The following SPOCK1 variants were observed in gnomAD, a reference collection of about 807,000 sequenced individuals.
SPOCK1 encodes testican-1.
Under a neutral mutation model 55.3 loss-of-function variants are expected in SPOCK1, and 23 were observed. The observed-to-expected ratio is 0.42, with a 90% CI of 0.30 to 0.59. The LOEUF (loss-of-function observed/expected upper bound fraction) is 0.59, where lower values mean the gene tolerates loss of function less well. Ranked by LOEUF, SPOCK1 falls within the 20% of genes least tolerant of loss-of-function variation. SPOCK1 has a pLI of 0.22. For missense variants in SPOCK1, 499 were observed against 552.5 expected (o/e 0.90, Z 0.97); for synonymous variants, 226 against 221.0 (o/e 1.02, Z -0.20).
chr5:137,000,445 TG>T (rs1026506282), intron 6 of SPOCK1, among the ~76,000 whole-genome samples: 4 of 152,132 alleles, frequency 2.6e-5, no homozygotes, highest in African/African-American at 9.6e-5. Context: ...CTCAGGCTGC[TG>T]GAAGCCTTCA....
intron 6 of SPOCK1, among the ~76,000 whole-genome samples, chr5:137,015,694 A>G (rs1751436789): frequency 6.6e-6 from 1 of 152,190 alleles, no homozygotes; most frequent in Non-Finnish European, 1.5e-5. Context: ...ATAGACTGTA[A>G]TAGACTACAG....
intron 2 of SPOCK1, among the ~76,000 whole-genome samples, chr5:137,448,098 A>T (rs1472470398): frequency 6.6e-6 from 1 of 152,104 alleles, no homozygotes; most frequent in Non-Finnish European, 1.5e-5. Context: ...AAATACAAAA[A>T]TTAGCCGGGC....
At chr5:137,259,487 TG>T (rs1373318345) in intron 3 of SPOCK1, among the ~76,000 whole-genome samples, 2 of 151,802 alleles carry the variant, frequency 1.3e-5, no homozygotes. Flanking sequence ...TGGGGCCTGT[TG>T]GGGGATGGGG....
chr5:137,445,528 T>G (rs1231140010), intron 2 of SPOCK1, among the ~76,000 whole-genome samples: 1 of 152,192 alleles, frequency 6.6e-6, no homozygotes, highest in Non-Finnish European at 1.5e-5. Flanking sequence ...CTGAAGAGTA[T>G]CATACAAGTG....
chr5:137,259,545 G>A (rs909324161), intron 3 of SPOCK1, among the ~76,000 whole-genome samples: 7 of 152,156 alleles, frequency 4.6e-5, no homozygotes, highest in Middle Eastern at 6.8e-3. Context: ...TGTAGATGAC[G>A]GGTTGATGTT....
chr5:137,059,111 AT>A (rs1752349527), intron 6 of SPOCK1, among the ~76,000 whole-genome samples: 1 of 152,264 alleles, frequency 6.6e-6, no homozygotes, highest in African/African-American at 2.4e-5. Context: ...TTAGGAAGCT[AT>A]TATAATACAA....
chr5:137,411,949 AG>A (rs1006901621), intron 2 of SPOCK1, among the ~76,000 whole-genome samples: 1 of 152,192 alleles, frequency 6.6e-6, no homozygotes, highest in African/African-American at 2.4e-5. Flanking sequence ...AGTAAAGAAA[AG>A]GTCCGCGTGG....
intron 3 of SPOCK1, among the ~76,000 whole-genome samples, chr5:137,206,237 A>G (rs1755519069): frequency 6.6e-6 from 1 of 152,238 alleles, no homozygotes; most frequent in Non-Finnish European, 1.5e-5. Flanking sequence ...AGTTTAGGTT[A>G]AAGAAAAGGG....
chr5:137,366,823 A>C (rs2127168797), intron 2 of SPOCK1, among the ~76,000 whole-genome samples: 1 of 152,362 alleles, frequency 6.6e-6, no homozygotes, highest in South Asian at 2.1e-4. Flanking sequence ...CTCTAAGAGA[A>C]GGTGAGAGAA....
At chr5:137,089,810 C>A (rs552501288) in intron 5 of SPOCK1, among the ~76,000 whole-genome samples, 108 of 152,182 alleles carry the variant, frequency 7.1e-4, no homozygotes, top group African/African-American at 2.5e-3. Context: ...TTTAGAAATT[C>A]ACATTTCTAA....
chr5:136,990,408 G>A (rs567285776), intron 7 of SPOCK1, among the ~76,000 whole-genome samples: 1 of 149,828 alleles, frequency 6.7e-6, no homozygotes. Flanking sequence ...AGGCATGACA[G>A]GAATATAGTG....
At chr5:137,311,241 GA>G (rs201807802) in intron 2 of SPOCK1, among the ~76,000 whole-genome samples, 4 of 150,968 alleles carry the variant, frequency 2.6e-5, no homozygotes, top group African/African-American at 7.3e-5. Context: ...ACTGATCCCA[GA>G]AAAAAAAAGA....
rs760682357 is a variant in SPOCK1 at position 137,366,605 on chromosome 5, T to C, written c.187-99550A>G. The stretch of plus-strand genomic sequence containing the variant: ...GAGTCCTGCCCCACCCCACCCACTA[T>C]GGTGTAGGACTACATTCAGGTGAAG... On this transcript the variant is annotated intron_variant, in intron 2 of 10. Transcript: ENST00000394945. 5.9e-5 allele frequency among the ~76,000 whole-genome samples: 9 copies of C among 152,200 alleles called. No individual in the cohort carries two copies. In the South Asian group the frequency reaches 1.7e-3, roughly 28 times the overall value.
intron 3 of SPOCK1, among the ~76,000 whole-genome samples, chr5:137,232,290 T>C (rs1483273249): frequency 2.0e-5 from 3 of 152,104 alleles, no homozygotes; most frequent in Non-Finnish European, 2.9e-5. Context: ...AGATTTTTAA[T>C]GTTTTTTTCC....
chr5:137,386,800 C>T (rs910093986), intron 2 of SPOCK1, among the ~76,000 whole-genome samples: 13 of 151,970 alleles, frequency 8.6e-5, no homozygotes, highest in African/African-American at 2.9e-4. Flanking sequence ...AAGAAAGAAT[C>T]GATAAGCTGG....
In SPOCK1 at chr5:137,498,475, G is replaced by C. The variant is rs143458987; in HGVS notation, c.84C>G (p.Ala28=). The C allele has an allele frequency of 1.9e-6, 3 of 1,603,166 alleles. No homozygotes were observed. The highest frequency in any genetic ancestry group is 1.7e-6 in the Non-Finnish European group (2 of 1,176,650). The change falls in exon 2 of 11, where the codon GCC becomes GCG. Residue 28 remains alanine, a synonymous_variant. Coordinates refer to ENST00000394945, the MANE Select transcript of SPOCK1 (RefSeq NM_004598.4). Reference sequence around the variant, plus strand: ...TGCCGTGGTTGGGGCCCGCGCCTCCGGCGAGCGCGTCCAGGTGCCGGCTCT... The same window carrying C: ...TGCCGTGGTTGGGGCCCGCGCCTCCCGCGAGCGCGTCCAGGTGCCGGCTCT... ...QVESRHLDAL[A]GGAGPNHGNF... is the part of the protein sequence containing the mutation.
At chr5:137,352,201 C>G (rs552832756) in intron 2 of SPOCK1, among the ~76,000 whole-genome samples, 94 of 152,284 alleles carry the variant, frequency 6.2e-4, no homozygotes, top group African/African-American at 2.2e-3. Flanking sequence ...TACTGCAGGC[C>G]GCCAACCAGC....
Position 136,994,961 on chromosome 5 carries a change from T to C in SPOCK1, c.590-2361A>G, listed in dbSNP as rs371442698. Among the ~76,000 whole-genome samples the C allele has an allele frequency of 3.2e-3, 486 of 152,134 alleles. 5 individuals carry two copies. Among genetic ancestry groups the C allele is most frequent in the African/African-American group, 0.011 (469 of 41,506 alleles). On this transcript the variant is annotated intron_variant, in intron 6 of 10. Coordinates refer to ENST00000394945, the MANE Select transcript of SPOCK1 (RefSeq NM_004598.4). Reference sequence around the variant, plus strand: ...CGGAGGTTGCGGTGAGCTGAGATTGTGCCAGTACACTCCAGCCTGGGCAAA... The same window carrying C: ...CGGAGGTTGCGGTGAGCTGAGATTGCGCCAGTACACTCCAGCCTGGGCAAA...
At chr5:137,177,936 G>C (rs1370890013) in intron 3 of SPOCK1, among the ~76,000 whole-genome samples, 1 of 152,138 alleles carries the variant, frequency 6.6e-6, no homozygotes, top group East Asian at 1.9e-4. Flanking sequence ...GTATAGCTAG[G>C]AAAAGGTGAG....
Sources: allele counts gnomAD v4.1 joint callset (sites outside exome capture counted in the v4.1 genomes callset), GRCh38; gene constraint gnomAD v4.1.1; transcripts MANE v1.5; gene names NCBI Gene and HGNC (gene_info 2026-07-23, HGNC 2026-07-21).